Variants in DLGAP4 observed in about 807,000 individuals in gnomAD.
DLGAP4 encodes DLG associated protein 4, also known as disks large-associated protein 4.
Under a neutral mutation model 86.9 loss-of-function variants are expected in DLGAP4, and 18 were observed. That is an observed-to-expected ratio of 0.21 (90% CI 0.14 to 0.31). The LOEUF is 0.31. DLGAP4 is among the 10% of genes least tolerant of loss of function. The probability of loss-of-function intolerance (pLI) is 1.00; values close to 1 mark genes in which losing one functional copy is unlikely to be tolerated. For missense variants in DLGAP4, 1,085 were observed against 1,362.6 expected (o/e 0.80, Z 3.21); for synonymous variants, 548 against 574.3 (o/e 0.95, Z 0.65).
Position 36,500,307 on chromosome 20 carries a change from T to C in DLGAP4, c.2208T>C (p.Cys736=), listed in dbSNP as rs759524320. 2 of 1,613,966 alleles carry C rather than the reference T, an allele frequency of 1.2e-6. No individual in the cohort carries two copies. Among genetic ancestry groups the C allele is most frequent in the Admixed American group, 1.7e-5 (1 of 59,984 alleles). Residue 736 remains cysteine (C), a synonymous_variant, in exon 10 of 13, where the codon TGT becomes TGC. Transcript: ENST00000339266. This position sits in a 1 kb window ranked among gnomAD's most constrained non-coding sequence, Gnocchi z 4.6. The part of the protein sequence containing the change: ...CKSSERSLPD[C]TPHPNSISID... ...CATCTGAGAGGAGCCTCCCGGACTG[T>C]ACCCCTCACCCCAACTCCATCAGCA...
At chr20:36,355,682 G>A (rs2030304268) in intron 1 of DLGAP4, among the ~76,000 whole-genome samples, 1 of 152,168 alleles carries the variant, frequency 6.6e-6, no homozygotes, top group Non-Finnish European at 1.5e-5. Flanking sequence ...CCATTTTATG[G>A]ACATTCCACA....
chr20:36,452,976 G>T (rs2033779567), intron 7 of DLGAP4, among the ~76,000 whole-genome samples: 1 of 151,834 alleles, frequency 6.6e-6, no homozygotes, highest in Non-Finnish European at 1.5e-5. Flanking sequence ...GGGACTGCAG[G>T]CATGCGCCAC....
At chr20:36,446,595 C>A in intron 6 of DLGAP4, 102 bp from the exon 7 acceptor site, 1 of 1,145,302 alleles carries the variant, frequency 8.7e-7, no homozygotes, top group Non-Finnish European at 1.2e-6. Flanking sequence ...GAGGTCAGAC[C>A]CCACAGACTG....
chr20:36,335,073 C>T (rs1310993896), intron 1 of DLGAP4, among the ~76,000 whole-genome samples: 1 of 152,138 alleles, frequency 6.6e-6, no homozygotes, highest in African/African-American at 2.4e-5. Flanking sequence ...GGAGCTGGCA[C>T]CTGAGCCCCT....
intron 1 of DLGAP4, among the ~76,000 whole-genome samples, chr20:36,347,770 G>A (rs781915777): frequency 6.7e-6 from 1 of 150,112 alleles, no homozygotes; most frequent in Non-Finnish European, 1.5e-5. Flanking sequence ...AGGCCACAGT[G>A]AGCAATGATT....
intron 1 of DLGAP4, among the ~76,000 whole-genome samples, chr20:36,366,399 A>T (rs546349319): frequency 2.0e-5 from 3 of 152,110 alleles, no homozygotes; most frequent in Non-Finnish European, 4.4e-5. Context: ...AGGAGCAGTG[A>T]CACCTGTTCA....
At chr20:36,497,833 C>T (rs1009497969) in intron 8 of DLGAP4, 4 of 173,260 alleles carry the variant, frequency 2.3e-5, no homozygotes, top group African/African-American at 9.6e-5. Flanking sequence ...GTTTGCTGAG[C>T]TGGGGAAACT....
At chr20:36,472,686 A>G (rs531463513) in intron 7 of DLGAP4, among the ~76,000 whole-genome samples, 9 of 152,070 alleles carry the variant, frequency 5.9e-5, no homozygotes, top group African/African-American at 2.2e-4. Context: ...AACTCTCAAC[A>G]TCTTTCCCAA....
chr20:36,361,633 G>A (rs2030523815), intron 1 of DLGAP4, among the ~76,000 whole-genome samples: 1 of 152,102 alleles, frequency 6.6e-6, no homozygotes, highest in South Asian at 2.1e-4. Flanking sequence ...CGACTCTGGG[G>A]GATCAAGGGG....
chr20:36,373,879 A>T (rs1202260028), intron 2 of DLGAP4, among the ~76,000 whole-genome samples: 1 of 152,072 alleles, frequency 6.6e-6, no homozygotes, highest in African/African-American at 2.4e-5. Flanking sequence ...TCTACTAAAA[A>T]TACAAAAATT....
intron 7 of DLGAP4, chr20:36,462,233 C>A (rs1255577646): frequency 2.5e-6 from 3 of 1,192,860 alleles, no homozygotes; most frequent in Non-Finnish European, 3.1e-6. Context: ...TCCCTGACTT[C>A]AGGAGCTCCT....
chr20:36,508,994 T>C (rs2036541089), intron 10 of DLGAP4, among the ~76,000 whole-genome samples: 1 of 152,264 alleles, frequency 6.6e-6, no homozygotes, highest in African/African-American at 2.4e-5. Flanking sequence ...AGTGAAAAAT[T>C]AAAACCAGTT....
chr20:36,527,216 T>TGAA lies in DLGAP4; in HGVS notation c.*188_*190dup, dbSNP rs1389440742. ...TTGGGTCCCTCCCAGCTTTAGGTTA[T>TGAA]GAAGATTTTACTCACAAAAAAAATC... On this transcript the variant is annotated 3_prime_UTR_variant, in exon 13 of 13. Transcript: ENST00000339266. 4 of 506,282 alleles carry TGAA rather than the reference T, an allele frequency of 7.9e-6. No individual in the cohort carries two copies. The highest frequency in any genetic ancestry group is 1.0e-5 in the Non-Finnish European group (3 of 295,670). The allele number at this position is 506,282 out of a possible 1,614,324, so 31.4% of individuals were successfully genotyped here.
intron 1 of DLGAP4, among the ~76,000 whole-genome samples, chr20:36,314,331 CG>C: frequency 9.0e-6 from 1 of 110,698 alleles, no homozygotes; most frequent in African/African-American, 4.6e-5. Flanking sequence ...TGTGTGTGTG[CG>C]TGTGTGTGTG....
chr20:36,347,145 C>T (rs1431713069), intron 1 of DLGAP4, among the ~76,000 whole-genome samples: 1 of 152,008 alleles, frequency 6.6e-6, no homozygotes, highest in Non-Finnish European at 1.5e-5. Context: ...TCCCAGATCT[C>T]CTGGGGGCAG....
At chr20:36,338,531 C>T (rs1489108511) in intron 1 of DLGAP4, among the ~76,000 whole-genome samples, 2 of 152,224 alleles carry the variant, frequency 1.3e-5, no homozygotes, top group Non-Finnish European at 2.9e-5. Flanking sequence ...GAGATCGTGT[C>T]ATTGCACTCC....
intron 1 of DLGAP4, among the ~76,000 whole-genome samples, chr20:36,333,232 A>G (rs2065288074): frequency 6.6e-6 from 1 of 152,196 alleles, no homozygotes; most frequent in African/African-American, 2.4e-5. Flanking sequence ...GCATCAGGGC[A>G]GCATACTCAT....
chr20:36,396,178 T>C (rs2031942066), intron 2 of DLGAP4, among the ~76,000 whole-genome samples: 1 of 151,942 alleles, frequency 6.6e-6, no homozygotes, highest in Non-Finnish European at 1.5e-5. Flanking sequence ...ATCCTCCTAC[T>C]GGGTGACCTT....
intron 1 of DLGAP4, among the ~76,000 whole-genome samples, chr20:36,345,272 G>A (rs923263031): frequency 2.0e-5 from 3 of 152,178 alleles, no homozygotes; most frequent in African/African-American, 7.2e-5. Flanking sequence ...TGGAGGAATC[G>A]CTTTTTTTCC....
Sources: allele counts gnomAD v4.1 joint callset (sites outside exome capture counted in the v4.1 genomes callset), GRCh38; gene constraint gnomAD v4.1.1; non-coding constraint Gnocchi (gnomAD v3.1); transcripts MANE v1.5; gene names NCBI Gene and HGNC (gene_info 2026-07-23, HGNC 2026-07-21).